The following KCNK2 variants were observed in gnomAD, a reference collection of about 807,000 sequenced individuals.
KCNK2 encodes the protein potassium channel subfamily K member 2.
A neutral mutation model predicts 40.5 loss-of-function variants in KCNK2; 21 were observed. The observed-to-expected ratio is 0.52, with a 90% CI of 0.37 to 0.75. The LOEUF is 0.75. KCNK2 is among the 30% of genes least tolerant of loss of function. The pLI, the probability that KCNK2 is intolerant of heterozygous loss-of-function variation, is 0.00. For synonymous variants in KCNK2, 191 were observed against 202.2 expected, an observed-to-expected ratio of 0.94 and a Z score of 0.47; for missense variants, 399 against 531.6, an observed-to-expected ratio of 0.75 and a Z score of 2.45.
At chr1:215,166,268 C>T (rs957755903) in intron 3 of KCNK2, among the ~76,000 whole-genome samples, 4 of 151,946 alleles carry the variant, frequency 2.6e-5, no homozygotes, top group Admixed American at 6.6e-5. Context: ...TGAGTCATAC[C>T]GATGCAGAGG....
In KCNK2 at chr1:215,172,173, C is replaced by T; in HGVS notation, c.813C>T (p.Asp271=). The change falls in exon 5 of 7, where the codon GAC becomes GAT. Residue 271 remains aspartate (D), a synonymous_variant. Transcript: ENST00000444842. ...CTCTAACAACTATTGGATTTGGTGA[C>T]TACGTTGCAGGTAAGCTTTTCCTGG... The part of the protein sequence containing the change: ...VITLTTIGFG[D]YVAGGSDIEY... The T allele has an allele frequency of 6.2e-7, 1 of 1,611,984 alleles. No homozygotes were observed. The highest frequency in any genetic ancestry group is 8.5e-7 in the Non-Finnish European group (1 of 1,179,008).
At chr1:215,097,803 A>G (rs922429761) in intron 2 of KCNK2, among the ~76,000 whole-genome samples, 1 of 151,984 alleles carries the variant, frequency 6.6e-6, no homozygotes, top group Non-Finnish European at 1.5e-5. Context: ...TTTAATAAGT[A>G]AAATAGAGAG....
chr1:215,063,739 G>A (rs1265063052), intron 1 of KCNK2, among the ~76,000 whole-genome samples: 15 of 152,260 alleles, frequency 9.9e-5, no homozygotes, highest in Admixed American at 9.8e-4. Context: ...TAGAAGAGAG[G>A]CATAATACAC....
chr1:215,087,606 A>C (rs1041617249), intron 2 of KCNK2, among the ~76,000 whole-genome samples: 1 of 152,168 alleles, frequency 6.6e-6, no homozygotes, highest in African/African-American at 2.4e-5. Flanking sequence ...TTGTATACAC[A>C]TTTGTTTTCC....
At chr1:215,122,396 G>C (rs1208906645) in intron 2 of KCNK2, among the ~76,000 whole-genome samples, 1 of 152,012 alleles carries the variant, frequency 6.6e-6, no homozygotes, top group Non-Finnish European at 1.5e-5. Flanking sequence ...TTAAAAGAAA[G>C]ATAATGAAGG....
intron 5 of KCNK2, among the ~76,000 whole-genome samples, chr1:215,186,403 G>T (rs907530338): frequency 1.3e-5 from 2 of 152,018 alleles, no homozygotes; most frequent in African/African-American, 4.8e-5. Flanking sequence ...TGAAAAAAAA[G>T]AAAATATGAA....
Position 215,236,059 on chromosome 1 carries a change from T to TCTATCTATCTATCTAC in KCNK2, c.*929_*930insCCTATCTATCTATCTA, listed in dbSNP as rs1285300096. On this transcript the variant is annotated 3_prime_UTR_variant, in exon 7 of 7. Coordinates refer to ENST00000444842, the MANE Select transcript of KCNK2 (RefSeq NM_001017425.3). ...CAGAAGAAGAAAATCTATCTATCTA[T>TCTATCTATCTATCTAC]CTATCTATCTATCTATCTATCTATC... 1 of 148,912 alleles carries TCTATCTATCTATCTAC rather than the reference T, an allele frequency of 6.7e-6. No homozygotes were observed. Among genetic ancestry groups the TCTATCTATCTATCTAC allele is most frequent in the Admixed American group, 6.6e-5 (1 of 15,078 alleles). 9.2% of individuals were successfully genotyped at this position (148,912 alleles called of 1,614,324 possible).
At chr1:215,068,138 T>A (rs555185169) in intron 1 of KCNK2, among the ~76,000 whole-genome samples, 60 of 152,048 alleles carry the variant, frequency 3.9e-4, no homozygotes, top group African/African-American at 1.4e-3. Context: ...CATATATTAA[T>A]CACCCACTCT....
chr1:215,036,643 A>G (rs1657395046), intron 1 of KCNK2, among the ~76,000 whole-genome samples: 1 of 151,898 alleles, frequency 6.6e-6, no homozygotes, highest in African/African-American at 2.4e-5. Context: ...TGTCAACAGG[A>G]TTGATTCATC....
chr1:215,096,146 A>T (rs1192547228), intron 2 of KCNK2, among the ~76,000 whole-genome samples: 5 of 151,960 alleles, frequency 3.3e-5, no homozygotes, highest in Non-Finnish European at 7.4e-5. Flanking sequence ...AGGTAGAAAG[A>T]AGAAAGCAAA....
chr1:215,135,882 G>A (rs1484364311), intron 3 of KCNK2, among the ~76,000 whole-genome samples: 1 of 151,850 alleles, frequency 6.6e-6, no homozygotes, highest in Admixed American at 6.6e-5. Flanking sequence ...CTACAGGCAC[G>A]TGCCAGCATG....
In KCNK2 at chr1:215,113,752, C is replaced by T. The variant is rs561737035; in HGVS notation, c.358-10881C>T. On this transcript the variant is annotated intron_variant, in intron 2 of 6. Coordinates refer to ENST00000444842, the MANE Select transcript of KCNK2 (RefSeq NM_001017425.3). ...CTGGAATTACAGGTGTGCAACACCA[C>T]GCCCAGATAACTTTTGTATTTTTAG... Among the ~76,000 whole-genome samples, 20 of 152,252 alleles carry T rather than the reference C, an allele frequency of 1.3e-4. No homozygotes were observed. In the South Asian group the frequency reaches 2.1e-3, roughly 16 times the overall value.
At chr1:215,130,295 T>C (rs1004353944) in intron 3 of KCNK2, among the ~76,000 whole-genome samples, 2 of 152,124 alleles carry the variant, frequency 1.3e-5, no homozygotes, top group Non-Finnish European at 2.9e-5. Flanking sequence ...GGGAGGGTAG[T>C]ATGGTGGGGG....
intron 5 of KCNK2, among the ~76,000 whole-genome samples, chr1:215,191,530 T>C (rs1664667654): frequency 6.6e-6 from 1 of 152,132 alleles, no homozygotes; most frequent in Non-Finnish European, 1.5e-5. Context: ...GATTAGGCTC[T>C]GACTGAGTTC....
chr1:215,175,242 G>C (rs1663905843), intron 5 of KCNK2, among the ~76,000 whole-genome samples: 1 of 151,906 alleles, frequency 6.6e-6, no homozygotes, highest in Non-Finnish European at 1.5e-5. Flanking sequence ...ACCTACTGAG[G>C]TACTGGAGAT....
chr1:215,104,900 A>G (rs1359215693), intron 2 of KCNK2, among the ~76,000 whole-genome samples: 1 of 151,990 alleles, frequency 6.6e-6, no homozygotes. Flanking sequence ...TTCTTTCATA[A>G]CCTGATTATC....
At chr1:215,181,599 G>A (rs1664217752) in intron 5 of KCNK2, among the ~76,000 whole-genome samples, 1 of 152,002 alleles carries the variant, frequency 6.6e-6, no homozygotes, top group African/African-American at 2.4e-5. Flanking sequence ...TTTTTACACG[G>A]GGTGTGACTG....
Position 215,234,844 on chromosome 1 carries a change from C to T in KCNK2, c.980C>T (p.Ala327Val). Reference protein sequence around the residue: ...KTKEEVGEFRAHAAEWTANVT... With the variant: ...KTKEEVGEFRVHAAEWTANVT... ...ATGTTCCAGGTGGGAGAGTTCAGAG[C>T]ACACGCTGCTGAGTGGACAGCCAAC... is the stretch of plus-strand genomic sequence containing the variant. Residue 327 changes from alanine (A) to valine (V), a missense_variant, in exon 7 of 7, where the codon GCA (alanine) becomes GTA (valine). Ala to Val is a moderately conservative substitution (Grantham distance 64, BLOSUM62 0). Transcript: ENST00000444842. The T allele has an allele frequency of 6.2e-7, 1 of 1,612,808 alleles. No homozygotes were observed. The highest frequency in any genetic ancestry group is 8.5e-7 in the Non-Finnish European group (1 of 1,179,036).
intron 6 of KCNK2, among the ~76,000 whole-genome samples, chr1:215,222,837 T>C (rs571994352): frequency 3.3e-5 from 5 of 151,928 alleles, no homozygotes; most frequent in African/African-American, 7.2e-5. Context: ...CTTTAGAAAA[T>C]GAATTAATGA....
Sources: allele counts gnomAD v4.1 joint callset (sites outside exome capture counted in the v4.1 genomes callset), GRCh38; gene constraint gnomAD v4.1.1; transcripts MANE v1.5; gene names NCBI Gene and HGNC (gene_info 2026-07-23, HGNC 2026-07-21).